Variants in SLC44A5 observed in about 807,000 individuals in gnomAD.
SLC44A5 encodes solute carrier family 44 member 5.
SLC44A5 carries 57 observed loss-of-function variants against 101.8 expected under a neutral mutation model. The ratio of observed to expected loss-of-function variants is 0.56; its 90% confidence interval spans 0.45 to 0.70. The LOEUF is 0.70. SLC44A5 is among the 30% of genes least tolerant of loss of function. SLC44A5 has a pLI of 0.00. For synonymous variants in SLC44A5, 281 were observed against 290.9 expected (o/e 0.97, Z 0.35); for missense variants, 737 against 853.1 (o/e 0.86, Z 1.70).
In SLC44A5 at chr1:75,487,470, A is replaced by T. The variant is rs545001163; in HGVS notation, c.13+53965T>A. On this transcript the variant is annotated intron_variant, in intron 2 of 23. Coordinates refer to ENST00000370859, the MANE Select transcript of SLC44A5 (RefSeq NM_001130058.2). ...AAACAATTACAGAAAAGTGTGCATC[A>T]CACATACTGCATAGAAAATGTCTTA... Among the ~76,000 whole-genome samples the T allele has an allele frequency of 3.7e-4, 57 of 152,340 alleles. No individual in the cohort carries two copies. The South Asian group carries it at 0.012, about 32-fold the overall frequency.
chr1:75,637,902 A>C, the SLC44A5 span, among the ~76,000 whole-genome samples: 1 of 152,040 alleles, frequency 6.6e-6, no homozygotes, highest in Admixed American at 6.6e-5. Context: ...CCAAAAAGAT[A>C]TTAAAATAGT....
chr1:75,345,269 G>C (rs945906895), intron 3 of SLC44A5, among the ~76,000 whole-genome samples: 1 of 150,480 alleles, frequency 6.6e-6, no homozygotes, highest in African/African-American at 2.5e-5. Flanking sequence ...AAGGGAGAAA[G>C]TATCCCATAT....
chr1:75,691,073 T>C, the SLC44A5 span, among the ~76,000 whole-genome samples: 4 of 151,918 alleles, frequency 2.6e-5, no homozygotes, highest in Non-Finnish European at 5.9e-5. Flanking sequence ...CACCCCCCCC[T>C]TTCTTGAGTG....
chr1:75,453,900 G>C (rs2101669386), intron 2 of SLC44A5, among the ~76,000 whole-genome samples: 1 of 152,186 alleles, frequency 6.6e-6, no homozygotes, highest in East Asian at 1.9e-4. Context: ...AATCGAATCA[G>C]TAATGAAATA....
intron 2 of SLC44A5, among the ~76,000 whole-genome samples, chr1:75,528,692 C>T (rs546710652): frequency 1.3e-5 from 2 of 152,310 alleles, no homozygotes; most frequent in Non-Finnish European, 1.5e-5. Flanking sequence ...AATGACTCTC[C>T]ATTCTAGAAT....
the SLC44A5 span, among the ~76,000 whole-genome samples, chr1:75,651,768 A>T: frequency 6.6e-6 from 1 of 151,448 alleles, no homozygotes; most frequent in African/African-American, 2.4e-5. Context: ...TTATAAAATT[A>T]TTTGATTATC....
At chr1:75,695,283 T>C in the SLC44A5 span, among the ~76,000 whole-genome samples, 13 of 152,340 alleles carry the variant, frequency 8.5e-5, no homozygotes, top group African/African-American at 3.1e-4. Context: ...ATCAGTGCCC[T>C]AAAATCAGAT....
the SLC44A5 span, among the ~76,000 whole-genome samples, chr1:75,723,122 A>C: frequency 6.6e-5 from 10 of 152,298 alleles, 1 homozygote; most frequent in African/African-American, 2.4e-4. Context: ...ACAAGTACAG[A>C]GGTCCCCTTC....
At chr1:75,396,217 G>A (rs1175627213) in intron 3 of SLC44A5, among the ~76,000 whole-genome samples, 1 of 152,134 alleles carries the variant, frequency 6.6e-6, no homozygotes, top group African/African-American at 2.4e-5. Context: ...ATAGTGTCAT[G>A]AAAGCTGGAG....
chr1:75,557,119 T>G (rs1236854810), intron 1 of SLC44A5, among the ~76,000 whole-genome samples: 1 of 152,072 alleles, frequency 6.6e-6, no homozygotes, highest in Non-Finnish European at 1.5e-5. Flanking sequence ...AGCAGCAAAT[T>G]AGTAATTTCT....
chr1:75,415,412 G>C (rs969765709), intron 2 of SLC44A5, among the ~76,000 whole-genome samples: 5 of 152,170 alleles, frequency 3.3e-5, no homozygotes, highest in Admixed American at 3.3e-4. Flanking sequence ...CTATGATTGT[G>C]AGCCTTCCTC....
chr1:75,280,458 A>T (rs1189138074), intron 5 of SLC44A5, among the ~76,000 whole-genome samples: 10 of 99,964 alleles, frequency 1.0e-4, no homozygotes, highest in South Asian at 2.7e-4. Context: ...TATTATATAT[A>T]GTATATATAA....
At chr1:75,359,129 C>T (rs1366258601) in intron 3 of SLC44A5, among the ~76,000 whole-genome samples, 3 of 150,736 alleles carry the variant, frequency 2.0e-5, no homozygotes, top group Admixed American at 2.0e-4. Flanking sequence ...CTTATAATGC[C>T]CTCCAGGCGG....
At chr1:75,216,462 A>G (rs1646964119) in intron 18 of SLC44A5, among the ~76,000 whole-genome samples, 1 of 151,790 alleles carries the variant, frequency 6.6e-6, no homozygotes, top group Admixed American at 6.6e-5. Flanking sequence ...GTATATCTAG[A>G]TATAGGATTT....
chr1:75,527,464 T>A (rs1670485152), intron 2 of SLC44A5, among the ~76,000 whole-genome samples: 1 of 152,124 alleles, frequency 6.6e-6, no homozygotes, highest in South Asian at 2.1e-4. Flanking sequence ...ATTTGGTGAC[T>A]TGGGAACAAA....
intron 22 of SLC44A5, among the ~76,000 whole-genome samples, chr1:75,213,452 G>A (rs1391344779): frequency 1.3e-5 from 2 of 151,794 alleles, no homozygotes; most frequent in African/African-American, 4.8e-5. Context: ...AGGTCAGGAG[G>A]ATCGGATTAG....
intron 2 of SLC44A5, among the ~76,000 whole-genome samples, chr1:75,541,156 C>T (rs1428210553): frequency 2.6e-5 from 4 of 152,100 alleles, no homozygotes; most frequent in African/African-American, 9.7e-5. Context: ...TGAGGATGTT[C>T]CTTTACAAAC....
chr1:75,555,450 T>TAA (rs5775294), intron 1 of SLC44A5, among the ~76,000 whole-genome samples: 4 of 151,456 alleles, frequency 2.6e-5, no homozygotes, highest in Non-Finnish European at 4.4e-5. Flanking sequence ...CAAAATTGAC[T>TAA]AAAAAAAAGA....
the SLC44A5 span, among the ~76,000 whole-genome samples, chr1:75,695,293 T>G: frequency 6.6e-6 from 1 of 152,194 alleles, no homozygotes; most frequent in Non-Finnish European, 1.5e-5. Context: ...TAAAATCAGA[T>G]GCTTCTAGGT....
Sources: gnomAD v4.1 joint callset for allele counts (sites outside exome capture counted in the v4.1 genomes callset) on GRCh38, gnomAD v4.1.1 for gene constraint, MANE v1.5 for transcripts, NCBI Gene and HGNC (gene_info 2026-07-23, HGNC 2026-07-21) for gene names.